The following SREBF2 variants were observed in gnomAD, a reference collection of about 807,000 sequenced individuals.
The protein encoded by SREBF2 is sterol regulatory element-binding protein 2.
In SREBF2, 55 loss-of-function variants were observed where a neutral mutation model predicts 113.1. That is an observed-to-expected ratio of 0.49 (90% CI 0.39 to 0.61). The LOEUF is 0.61. Among genes scored for constraint, SREBF2 ranks in the 20% least tolerant of loss-of-function variants. The probability of loss-of-function intolerance (pLI) is 0.00; values close to 1 mark genes in which losing one functional copy is unlikely to be tolerated. For synonymous variants in SREBF2, 593 were observed against 605.7 expected (o/e 0.98, Z 0.31); for missense variants, 1,349 against 1,487.4 (o/e 0.91, Z 1.53).
chr22:41,879,765 T>G (rs1320604123), intron 9 of SREBF2, among the ~76,000 whole-genome samples: 4 of 152,214 alleles, frequency 2.6e-5, no homozygotes, highest in Non-Finnish European at 5.9e-5. Flanking sequence ...CTATATAGCC[T>G]GTCCTCTAGT....
Position 41,899,451 on chromosome 22 carries a change from T to A in SREBF2, c.2738+670T>A, listed in dbSNP as rs529080623. 6 of 996,224 alleles carry A rather than the reference T, an allele frequency of 6.0e-6. No individual in the cohort carries two copies. The South Asian group carries it at 2.2e-4, about 37-fold the overall frequency. The allele number at this position is 996,224 out of a possible 1,614,324, so 61.7% of individuals were successfully genotyped here. ...TATTCTAAGAGAAACTGTAAAATGC[T>A]CCAAGACAGAAAGGCCCCACGAGGT... On this transcript the variant is annotated intron_variant, in intron 15 of 18. Coordinates refer to ENST00000361204, the MANE Select transcript of SREBF2 (RefSeq NM_004599.4).
At chr22:41,861,210 G>T (rs566555794) in intron 1 of SREBF2, among the ~76,000 whole-genome samples, 1 of 152,356 alleles carries the variant, frequency 6.6e-6, no homozygotes, top group Non-Finnish European at 1.5e-5. Flanking sequence ...TGGGCCGGGC[G>T]CTGTGGCTCA....
At chr22:41,866,754 T>C in intron 1 of SREBF2, 77 bp from the exon 2 acceptor site, 1 of 1,529,882 alleles carries the variant, frequency 6.5e-7, no homozygotes, top group Non-Finnish European at 9.1e-7. Flanking sequence ...TGAGTTTTCA[T>C]GCCTTAGTTT....
intron 1 of SREBF2, among the ~76,000 whole-genome samples, chr22:41,854,576 AT>A (rs2076960859): frequency 6.6e-6 from 1 of 151,920 alleles, no homozygotes; most frequent in Non-Finnish European, 1.5e-5. Flanking sequence ...TTTAAGATTT[AT>A]TTATTTAGAA....
At chr22:41,861,494 T>TAA (rs546743530) in intron 1 of SREBF2, among the ~76,000 whole-genome samples, 2 of 145,486 alleles carry the variant, frequency 1.4e-5, no homozygotes, top group African/African-American at 5.0e-5. Flanking sequence ...AGACTCCATT[T>TAA]AAAAAAAAAA....
chr22:41,901,320 AC>A (rs1413647532), intron 16 of SREBF2, among the ~76,000 whole-genome samples: 1 of 152,150 alleles, frequency 6.6e-6, no homozygotes, highest in African/African-American at 2.4e-5. Context: ...ACTGGGATGA[AC>A]CCAGGACAGC....
At chr22:41,862,251 C>G (rs938656477) in intron 1 of SREBF2, among the ~76,000 whole-genome samples, 4 of 152,172 alleles carry the variant, frequency 2.6e-5, no homozygotes, top group African/African-American at 9.7e-5. Context: ...AACTCAGGGT[C>G]TCTTTGTGAG....
chr22:41,893,334 G>T (rs376191010), intron 12 of SREBF2, 49 bp downstream of exon 12: 1 of 1,600,494 alleles, frequency 6.2e-7, no homozygotes, highest in South Asian at 1.1e-5. Context: ...CATGCAAACC[G>T]CCGGTACTAC....
In SREBF2 at chr22:41,904,932, G is replaced by A. The variant is rs1374779754; in HGVS notation, c.3163G>A (p.Glu1055Lys). 2 of 1,605,582 alleles carry A rather than the reference G, an allele frequency of 1.2e-6. No homozygotes were observed. Among genetic ancestry groups the A allele is most frequent in the South Asian group, 1.1e-5 (1 of 90,236 alleles). ...CCCCACCCGCACCCACCAGCTGCTG[G>A]AACACAGCCTGCGGCGGCGCACCAC... is the stretch of plus-strand genomic sequence containing the variant. ...ASPTRTHQLL[E>K]HSLRRRTTQS... Residue 1055 changes from glutamate to lysine, a missense_variant, in exon 18 of 19, where the codon GAA (glutamate) becomes AAA (lysine). Physicochemically the swap from Glu to Lys is moderately conservative, Grantham distance 56 (BLOSUM62 1). Around this residue, in one of 2 missense-constraint regions of SREBF2, gnomAD observed 650 missense variants for 644.1 expected, o/e 1.01. Coordinates refer to ENST00000361204, the MANE Select transcript of SREBF2 (RefSeq NM_004599.4).
rs775277844 is a variant in SREBF2, at chr22:41,880,765, T to C, written c.1811T>C (p.Leu604Ser). ...AACCTACAAACCTGCCTGGCAGTTT[T>C]GGGCCGGGCACTGCCCACCTCCCGC... The part of the protein sequence containing the change: ...AGNLQTCLAV[L>S]GRALPTSRLD... Residue 604 changes from leucine (L) to serine (S), a missense_variant, in exon 10 of 19, where the codon TTG becomes TCG. Transcript: ENST00000361204. 3 of 1,614,186 alleles carry C rather than the reference T, an allele frequency of 1.9e-6. No individual in the cohort carries two copies. The highest frequency in any genetic ancestry group is 2.5e-6 in the Non-Finnish European group (3 of 1,180,036).
At chr22:41,868,890 G>A (rs943949546) in intron 3 of SREBF2, 98 bp downstream of exon 3, 95 of 1,487,766 alleles carry the variant, frequency 6.4e-5, no homozygotes, top group Non-Finnish European at 2.7e-5. Context: ...ACCAACCAGA[G>A]TGTACACAAA....
chr22:41,848,572 C>G (rs763472178), intron 1 of SREBF2, among the ~76,000 whole-genome samples: 2 of 152,144 alleles, frequency 1.3e-5, no homozygotes, highest in African/African-American at 2.4e-5. Context: ...ATTGCAGCAT[C>G]GTAGAGCCTA....
At chr22:41,889,175 G>C (rs889385950) in intron 11 of SREBF2, among the ~76,000 whole-genome samples, 1 of 152,148 alleles carries the variant, frequency 6.6e-6, no homozygotes, top group Non-Finnish European at 1.5e-5. Context: ...GCCCAGGCTG[G>C]AGTGCAGTGG....
At position 41,905,699 on chromosome 22, in the gene SREBF2, TTC is replaced by T. The variant is rs751975688; in HGVS notation, c.*48_*49del. On this transcript the variant is annotated 3_prime_UTR_variant, in exon 19 of 19. Coordinates refer to ENST00000361204, the MANE Select transcript of SREBF2 (RefSeq NM_004599.4). ...CCCACCCCTCCACCTCTCTCTCGAT[TTC>T]TCTCTCTCCCCCTCAGCATCTTCCC... 44 of 1,531,286 alleles carry T rather than the reference TTC, an allele frequency of 2.9e-5. No individual in the cohort carries two copies. Among genetic ancestry groups the T allele is most frequent in the Admixed American group, 1.2e-4 (6 of 51,080 alleles). 94.9% of individuals were successfully genotyped at this position (1,531,286 alleles called of 1,614,324 possible).
At chr22:41,883,308 T>A (rs575533867) in intron 10 of SREBF2, among the ~76,000 whole-genome samples, 1 of 152,258 alleles carries the variant, frequency 6.6e-6, no homozygotes, top group Non-Finnish European at 1.5e-5. Flanking sequence ...AGTAAGGAGC[T>A]TCAGCCAAAA....
chr22:41,849,735 G>T (rs1032044424), intron 1 of SREBF2, among the ~76,000 whole-genome samples: 2 of 152,156 alleles, frequency 1.3e-5, no homozygotes, highest in African/African-American at 2.4e-5. Context: ...AGGTATACTT[G>T]TAAAATACAG....
At chr22:41,838,680 C>T (rs1345774854) in intron 1 of SREBF2, among the ~76,000 whole-genome samples, 1 of 152,122 alleles carries the variant, frequency 6.6e-6, no homozygotes, top group Non-Finnish European at 1.5e-5. Context: ...TTGCAGTGAA[C>T]CCAGATTGTG....
rs2077381763 is a variant in SREBF2, at chr22:41,893,288, G to A, written c.2377+3G>A. 4 of 1,614,130 alleles carry A rather than the reference G, an allele frequency of 2.5e-6. No homozygotes were observed. The highest frequency in any genetic ancestry group is 3.4e-6 in the Non-Finnish European group (4 of 1,180,020). On this transcript the variant is annotated splice_donor_region_variant and intron_variant, in intron 12 of 18. Coordinates refer to ENST00000361204, the MANE Select transcript of SREBF2 (RefSeq NM_004599.4). ...ATACTGTGCCCAGAGGAACCCAGGT[G>A]AGAATACCTTGGAGCCATTCAGAAT...
Position 41,902,950 on chromosome 22 carries a change from T to C in SREBF2, c.2908-20T>C, listed in dbSNP as rs765544495. ...ATGGGCCAGTCACCTGTCTCCCCTCTCTCGTGGCTGACCCCACAGGTGGTC... is the reference window on the plus strand; with the variant it reads ...ATGGGCCAGTCACCTGTCTCCCCTCCCTCGTGGCTGACCCCACAGGTGGTC... On this transcript the variant is annotated intron_variant, in intron 16 of 18. Transcript: ENST00000361204. 6 of 1,604,354 alleles carry C rather than the reference T, an allele frequency of 3.7e-6. No homozygotes were observed. The South Asian group carries it at 6.7e-5, about 18-fold the overall frequency.
Sources: gnomAD v4.1 joint callset for allele counts (sites outside exome capture counted in the v4.1 genomes callset) on GRCh38, gnomAD v4.1.1 for gene constraint, gnomAD v4.1.1 regional missense constraint, MANE v1.5 for transcripts, NCBI Gene and HGNC (gene_info 2026-07-23, HGNC 2026-07-21) for gene names.